Variants in RAI1 observed in about 807,000 individuals in gnomAD.
RAI1 encodes retinoic acid-induced protein 1.
Under a neutral mutation model 123.8 loss-of-function variants are expected in RAI1, and 9 were observed. The observed-to-expected ratio is 0.07, with a 90% confidence interval of 0.04 to 0.13. The LOEUF is 0.13. Among genes scored for constraint, RAI1 ranks in the 10% least tolerant of loss-of-function variants. RAI1 has a pLI of 1.00. For synonymous variants in RAI1, 1,231 were observed against 1,127.3 expected, an observed-to-expected ratio of 1.09 and a Z score of -1.84; for missense variants, 2,256 against 2,545.8, an observed-to-expected ratio of 0.89 and a Z score of 2.45.
chr17:17,740,607 G>A (rs990174858), intron 2 of RAI1, among the ~76,000 whole-genome samples: 2 of 152,204 alleles, frequency 1.3e-5, no homozygotes, highest in Non-Finnish European at 2.9e-5. Flanking sequence ...CCCAGGCCAC[G>A]TGGCCATCAG....
chr17:17,738,677 G>A (rs1395357604), intron 2 of RAI1, among the ~76,000 whole-genome samples: 1 of 152,216 alleles, frequency 6.6e-6, no homozygotes, highest in East Asian at 1.9e-4. Flanking sequence ...GCTTGCAGCT[G>A]TGTGTGTCTG....
intron 1 of RAI1, among the ~76,000 whole-genome samples, chr17:17,723,179 C>G (rs374043121): frequency 6.6e-5 from 10 of 152,250 alleles, no homozygotes; most frequent in African/African-American, 2.2e-4. Context: ...AGGCACAATC[C>G]CATATACACA....
intron 1 of RAI1, among the ~76,000 whole-genome samples, chr17:17,723,435 C>G (rs1915954207): frequency 6.6e-6 from 1 of 150,962 alleles, no homozygotes; most frequent in African/African-American, 2.4e-5. Flanking sequence ...ACAGCCAAGA[C>G]CTCACCCGCA....
intron 1 of RAI1, among the ~76,000 whole-genome samples, chr17:17,688,199 A>G (rs749461303): frequency 9.3e-5 from 14 of 150,794 alleles, no homozygotes; most frequent in South Asian, 2.1e-4. Context: ...AAATGAGGAT[A>G]ATAGGCAGGG....
chr17:17,764,457 C>A (rs1359456945), intron 2 of RAI1, among the ~76,000 whole-genome samples: 2 of 150,810 alleles, frequency 1.3e-5, no homozygotes, highest in East Asian at 1.9e-4. Context: ...CCTTTTCTGT[C>A]CAACTTCTTT....
At position 17,684,671 on chromosome 17, in the gene RAI1, C is replaced by CATATAT. The variant is rs58265371; in HGVS notation, c.-149+2909_-149+2914dup. On this transcript the variant is annotated intron_variant, in intron 1 of 5. Coordinates refer to ENST00000353383, the MANE Select transcript of RAI1 (RefSeq NM_030665.4). ...CAGACTTTTTGTTACTCACTTAATG[C>CATATAT]ATATATATATATATATATATATATA... 998 of 125,508 alleles carry CATATAT rather than the reference C, an allele frequency of 8.0e-3. 3 individuals carry two copies. The highest frequency in any genetic ancestry group is 0.029 in the East Asian group (81 of 2,770). The allele number at this position is 125,508 out of a possible 1,614,324, so 7.8% of individuals were successfully genotyped here.
At chr17:17,746,441 A>G (rs1767664103) in intron 2 of RAI1, among the ~76,000 whole-genome samples, 1 of 152,118 alleles carries the variant, frequency 6.6e-6, no homozygotes, top group Admixed American at 6.5e-5. Flanking sequence ...CTGAGCCCAG[A>G]GCCCCTGCCC....
chr17:17,807,022 G>T (rs948363040), intron 4 of RAI1, among the ~76,000 whole-genome samples: 1 of 151,396 alleles, frequency 6.6e-6, no homozygotes, highest in Non-Finnish European at 1.5e-5. Flanking sequence ...ATCGAGTCTC[G>T]CCCACCATCA....
chr17:17,749,652 T>A (rs552276510), intron 2 of RAI1, among the ~76,000 whole-genome samples: 1 of 152,342 alleles, frequency 6.6e-6, no homozygotes, highest in East Asian at 1.9e-4. Flanking sequence ...GATCTTTGCC[T>A]CTGCTGGTCT....
chr17:17,723,310 C>G (rs1201259268), intron 1 of RAI1, among the ~76,000 whole-genome samples: 2 of 149,818 alleles, frequency 1.3e-5, no homozygotes, highest in Non-Finnish European at 3.0e-5. Flanking sequence ...AACTGAGACC[C>G]AGAAACACAT....
At chr17:17,781,609 C>CT (rs2031583771) in intron 2 of RAI1, among the ~76,000 whole-genome samples, 1 of 151,992 alleles carries the variant, frequency 6.6e-6, no homozygotes, top group African/African-American at 2.4e-5. Flanking sequence ...CTGGGTGAGT[C>CT]TAAGGGAGGG....
At chr17:17,763,604 A>C (rs1306441844) in intron 2 of RAI1, among the ~76,000 whole-genome samples, 1 of 152,234 alleles carries the variant, frequency 6.6e-6, no homozygotes, top group East Asian at 1.9e-4. Context: ...TGCTGGGCAC[A>C]GGTACGGGGG....
At chr17:17,772,780 C>T (rs146406736) in intron 2 of RAI1, among the ~76,000 whole-genome samples, 9 of 152,298 alleles carry the variant, frequency 5.9e-5, no homozygotes, top group African/African-American at 2.2e-4. Context: ...ACTTACTTGC[C>T]TTCTCCACGA....
Position 17,794,439 on chromosome 17 carries a change from G to A in RAI1, c.1491G>A (p.Leu497=). 1 of 1,612,836 alleles carries A rather than the reference G, an allele frequency of 6.2e-7. No homozygotes were observed. The highest frequency in any genetic ancestry group is 1.1e-5 in the South Asian group (1 of 91,072). The change falls in exon 3 of 6, where the codon CTG becomes CTA. Residue 497 remains leucine, a synonymous_variant. Coordinates refer to ENST00000353383, the MANE Select transcript of RAI1 (RefSeq NM_030665.4). ...CAGCCGAGCCCGCAGGCACACCGCT[G>A]TCAGAGCCGCCGAGCAGCACGCCAC... ...GYSAEPAGTP[L]SEPPSSTPQS...
intron 2 of RAI1, among the ~76,000 whole-genome samples, chr17:17,761,587 T>C (rs1385217978): frequency 6.6e-6 from 1 of 152,044 alleles, no homozygotes; most frequent in African/African-American, 2.4e-5. Context: ...GAGGAGGTGA[T>C]CCCTGAACTA....
intron 2 of RAI1, among the ~76,000 whole-genome samples, chr17:17,757,041 G>C (rs1463903648): frequency 6.6e-6 from 1 of 152,220 alleles, no homozygotes; most frequent in East Asian, 1.9e-4. Context: ...CGCGGGGTCA[G>C]GCTGGCCACC....
intron 2 of RAI1, among the ~76,000 whole-genome samples, chr17:17,781,709 C>G (rs2031586673): frequency 6.6e-6 from 1 of 152,232 alleles, no homozygotes; most frequent in Non-Finnish European, 1.5e-5. Context: ...CTGGCGCGGT[C>G]GCAGGCACGG....
chr17:17,745,218 G>C (rs1389443421), intron 2 of RAI1, among the ~76,000 whole-genome samples: 4 of 152,100 alleles, frequency 2.6e-5, no homozygotes, highest in Admixed American at 2.6e-4. Flanking sequence ...TAGAAGAAAG[G>C]AGAGGGAAAA....
At chr17:17,698,362 T>A (rs1219921190) in intron 1 of RAI1, among the ~76,000 whole-genome samples, 1 of 152,100 alleles carries the variant, frequency 6.6e-6, no homozygotes. Context: ...GATGGGAAAA[T>A]CCCTGCTTTG....
Sources: allele counts gnomAD v4.1 joint callset (sites outside exome capture counted in the v4.1 genomes callset), GRCh38; gene constraint gnomAD v4.1.1; transcripts MANE v1.5; gene names NCBI Gene and HGNC (gene_info 2026-07-23, HGNC 2026-07-21).